Variants in MAGI1 observed in about 807,000 individuals in gnomAD.
MAGI1 encodes the protein membrane associated guanylate kinase, WW and PDZ domain containing 1.
MAGI1 carries 58 observed loss-of-function variants against 139.9 expected under a neutral mutation model. That is an observed-to-expected ratio of 0.41 (90% CI 0.34 to 0.52). The LOEUF (loss-of-function observed/expected upper bound fraction) is 0.52. Among genes scored for constraint, MAGI1 ranks in the 20% least tolerant of loss-of-function variants. The probability of loss-of-function intolerance (pLI) is 0.12; values close to 1 mark genes in which losing one functional copy is unlikely to be tolerated. For missense variants in MAGI1, 1,874 were observed against 1,901.6 expected (o/e 0.99, Z 0.27); for synonymous variants, 812 against 737.9 (o/e 1.10, Z -1.63).
intron 1 of MAGI1, among the ~76,000 whole-genome samples, chr3:65,680,795 T>TATGATATATGATATGATATATG (rs58365928): frequency 6.6e-6 from 1 of 151,160 alleles, no homozygotes; most frequent in Non-Finnish European, 1.5e-5. Flanking sequence ...TATGATATGA[T>TATGATATATGATATGATATATG]ATACTTTAAT....
chr3:65,765,354 A>C (rs2037379399), intron 1 of MAGI1, among the ~76,000 whole-genome samples: 1 of 152,216 alleles, frequency 6.6e-6, no homozygotes, highest in Non-Finnish European at 1.5e-5. Flanking sequence ...GGTAAGGCCA[A>C]GCATTTGGTT....
chr3:65,365,119 T>C, intron 18 of MAGI1, 173 bp from the exon 19 acceptor site: 2 of 761,132 alleles, frequency 2.6e-6, no homozygotes, highest in Non-Finnish European at 4.8e-6. Flanking sequence ...CATTTTAAGA[T>C]CTTCTCTGAT....
chr3:65,609,403 A>G (rs2082921704), intron 2 of MAGI1, among the ~76,000 whole-genome samples: 1 of 151,032 alleles, frequency 6.6e-6, no homozygotes, highest in African/African-American at 2.4e-5. Context: ...TCAGCCTCCC[A>G]ACTAGCTGGG....
intron 12 of MAGI1, among the ~76,000 whole-genome samples, chr3:65,418,921 A>C (rs931102944): frequency 1.3e-5 from 2 of 152,190 alleles, no homozygotes; most frequent in African/African-American, 2.4e-5. Flanking sequence ...CTCTTGACCC[A>C]TGAGTGCTGC....
intron 4 of MAGI1, among the ~76,000 whole-genome samples, chr3:65,473,231 T>C (rs7616855): frequency 0.29 from 43,683 of 152,132 alleles, 7,825 homozygotes; most frequent in East Asian, 0.73. Context: ...ACATTACAAA[T>C]AGGTAGAAGA....
intron 1 of MAGI1, among the ~76,000 whole-genome samples, chr3:65,730,627 T>C (rs2034088818): frequency 6.6e-6 from 1 of 152,140 alleles, no homozygotes; most frequent in Admixed American, 6.6e-5. Flanking sequence ...CTGCTTTGCC[T>C]GAGATCAAGT....
intron 1 of MAGI1, among the ~76,000 whole-genome samples, chr3:65,624,142 T>C (rs550162457): frequency 1.3e-5 from 2 of 152,330 alleles, no homozygotes; most frequent in East Asian, 1.9e-4. Context: ...GGCAAGGTTG[T>C]AGAGAAACAG....
chr3:65,640,014 G>A (rs912964083), intron 1 of MAGI1, among the ~76,000 whole-genome samples: 4 of 150,532 alleles, frequency 2.7e-5, no homozygotes, highest in East Asian at 1.9e-4. Flanking sequence ...AATTACTTCC[G>A]TCTGACTGCT....
In MAGI1 at chr3:66,038,227, G is replaced by A; in HGVS notation, c.82C>T (p.Leu28=). The A allele has an allele frequency of 6.2e-7, 1 of 1,611,878 alleles. No individual in the cohort carries two copies. Among genetic ancestry groups the A allele is most frequent in the Non-Finnish European group, 8.5e-7 (1 of 1,179,534 alleles). Residue 28 remains leucine, a synonymous_variant, in exon 1 of 23, where the codon CTG becomes TTG. Transcript: ENST00000402939. ...GCGCCTCCCAGCACCGTCACCCCCAGCTCGCCCTGGGGTCCCCGCTTCACG... is the reference window on the plus strand; with the variant it reads ...GCGCCTCCCAGCACCGTCACCCCCAACTCGCCCTGGGGTCCCCGCTTCACG... ...CTVKRGPQGE[L]GVTVLGGAEH... is the part of the protein sequence containing the mutation.
chr3:65,691,920 T>C (rs767379799), intron 1 of MAGI1, among the ~76,000 whole-genome samples: 8 of 152,194 alleles, frequency 5.3e-5, no homozygotes, highest in Non-Finnish European at 1.0e-4. Context: ...AAATCCTGCT[T>C]GATGCAACCA....
At chr3:65,709,573 C>G (rs1042706482) in intron 1 of MAGI1, among the ~76,000 whole-genome samples, 1 of 152,192 alleles carries the variant, frequency 6.6e-6, no homozygotes, top group Non-Finnish European at 1.5e-5. Flanking sequence ...TTAGAGACAA[C>G]AGGAAACGTC....
intron 1 of MAGI1, among the ~76,000 whole-genome samples, chr3:66,009,853 A>G (rs1161739367): frequency 6.6e-6 from 1 of 152,030 alleles, no homozygotes; most frequent in Non-Finnish European, 1.5e-5. Flanking sequence ...AGGCAGGTGG[A>G]TTGCTTGAGG....
intron 5 of MAGI1, among the ~76,000 whole-genome samples, chr3:65,465,117 T>A (rs568640280): frequency 1.3e-5 from 2 of 151,056 alleles, no homozygotes; most frequent in South Asian, 2.1e-4. Flanking sequence ...CCCTCACTTA[T>A]AATGAATTAC....
At chr3:65,589,107 G>A (rs1193832156) in intron 2 of MAGI1, among the ~76,000 whole-genome samples, 1 of 152,110 alleles carries the variant, frequency 6.6e-6, no homozygotes, top group South Asian at 2.1e-4. Context: ...ATGCATGGAC[G>A]GCTTCCTGCA....
intron 1 of MAGI1, among the ~76,000 whole-genome samples, chr3:65,995,537 G>GTT (rs58171473): frequency 5.3e-5 from 8 of 149,582 alleles, no homozygotes; most frequent in Non-Finnish European, 8.9e-5. Flanking sequence ...CCCTTAAAGG[G>GTT]TTTTTTTTTT....
In MAGI1 at chr3:65,981,663, T is replaced by A. The variant is rs566413467; in HGVS notation, c.313+56333A>T. 1.4e-4 allele frequency among the ~76,000 whole-genome samples: 22 copies of A among 152,318 alleles called. No individual in the cohort carries two copies. The East Asian group carries it at 3.1e-3, about 21-fold the overall frequency. On this transcript the variant is annotated intron_variant, in intron 1 of 22. Coordinates refer to ENST00000402939, the MANE Select transcript of MAGI1 (RefSeq NM_001033057.2). ...TGGGAGGCACCCGGTGGGAGATAAC[T>A]GAATCATGGGGGTGGTTTCCCCCAT...
chr3:65,797,170 A>G (rs1441946773), intron 1 of MAGI1, among the ~76,000 whole-genome samples: 2 of 152,348 alleles, frequency 1.3e-5, no homozygotes, highest in African/African-American at 2.4e-5. Flanking sequence ...CTGAGATACA[A>G]GGCAAGTCCA....
chr3:65,799,182 G>A (rs1328503247), intron 1 of MAGI1, among the ~76,000 whole-genome samples: 1 of 152,126 alleles, frequency 6.6e-6, no homozygotes, highest in African/African-American at 2.4e-5. Flanking sequence ...TGTAATGAAG[G>A]AAAAAGAAAT....
At chr3:65,544,907 TTATAAA>T (rs1259223027) in intron 2 of MAGI1, among the ~76,000 whole-genome samples, 7 of 152,336 alleles carry the variant, frequency 4.6e-5, no homozygotes, top group Non-Finnish European at 1.0e-4. Flanking sequence ...TGAGTGTGAT[TTATAAA>T]TATAAACAGC....
Sources: allele counts gnomAD v4.1 joint callset (sites outside exome capture counted in the v4.1 genomes callset), GRCh38; gene constraint gnomAD v4.1.1; transcripts MANE v1.5; gene names NCBI Gene and HGNC (gene_info 2026-07-23, HGNC 2026-07-21).